The following NSF variants were observed in gnomAD, a reference collection of about 807,000 sequenced individuals.
The protein encoded by NSF is N-ethylmaleimide sensitive factor, vesicle fusing ATPase, also known as vesicle-fusing ATPase.
A neutral mutation model predicts 50.3 loss-of-function variants in NSF; 14 were observed. The observed-to-expected ratio is 0.28, with a 90% CI of 0.18 to 0.44. The LOEUF (loss-of-function observed/expected upper bound fraction) is 0.44, where lower values mean the gene tolerates loss of function less well. Among genes scored for constraint, NSF ranks in the 20% least tolerant of loss-of-function variants. The probability of loss-of-function intolerance (pLI) is 1.00; values close to 1 mark genes in which losing one functional copy is unlikely to be tolerated. For missense variants in NSF, 218 were observed against 504.3 expected, an observed-to-expected ratio of 0.43 and a Z score of 5.44; for synonymous variants, 109 against 175.7, an observed-to-expected ratio of 0.62 and a Z score of 3.00.
At chr17:46,726,849 A>T (rs953093391) in intron 16 of NSF, among the ~76,000 whole-genome samples, 6 of 152,186 alleles carry the variant, frequency 3.9e-5, no homozygotes, top group Non-Finnish European at 7.3e-5. Context: ...GTAAGGGCCC[A>T]TGTCTCATTT....
At chr17:46,730,604 A>T (rs1035762663) in intron 17 of NSF, among the ~76,000 whole-genome samples, 3 of 152,186 alleles carry the variant, frequency 2.0e-5, no homozygotes, top group African/African-American at 7.2e-5. Context: ...TATGCTTTTA[A>T]ATCTCACAGC....
chr17:46,711,927 A>G (rs949791218), intron 14 of NSF, among the ~76,000 whole-genome samples: 3 of 152,218 alleles, frequency 2.0e-5, no homozygotes, highest in Non-Finnish European at 4.4e-5. Context: ...TTATCCTGAC[A>G]TGAGACTGTA....
intron 13 of NSF, among the ~76,000 whole-genome samples, chr17:46,709,107 G>GA (rs2058691986): frequency 6.6e-6 from 1 of 152,036 alleles, no homozygotes; most frequent in Non-Finnish European, 1.5e-5. Flanking sequence ...ACAGGCATGA[G>GA]CCACTGCACC....
chr17:46,712,506 A>G (rs570493080), intron 14 of NSF, among the ~76,000 whole-genome samples: 2 of 152,342 alleles, frequency 1.3e-5, no homozygotes, highest in African/African-American at 4.8e-5. Context: ...GGGAACACTA[A>G]TGGAAAGCAG....
chr17:46,746,626 T>C lies in NSF; in HGVS notation c.1909-3147T>C, dbSNP rs1381708969. Among the ~76,000 whole-genome samples, 6 of 152,164 alleles carry C rather than the reference T, an allele frequency of 3.9e-5. No individual in the cohort carries two copies. In the East Asian group the frequency reaches 7.7e-4, roughly 20 times the overall value. ...TCTAGTGACATAAGTTTAAAACTTA[T>C]TCCTTTTTCATTTTCCAAGTAAACT... On this transcript the variant is annotated intron_variant, in intron 17 of 20. Transcript: ENST00000398238.
Position 46,751,636 on chromosome 17 carries a change from G to GT in NSF, c.2157+21dup, listed in dbSNP as rs2059182633. The GT allele has an allele frequency of 6.7e-7, 1 of 1,486,594 alleles. No individual in the cohort carries two copies. The allele number at this position is 1,486,594 out of a possible 1,614,324, so 92.1% of individuals were successfully genotyped here. On this transcript the variant is annotated intron_variant, in intron 19 of 20. Transcript: ENST00000398238. ...CTACAGGTAAGGTACTTCGTTCTCC[G>GT]TATGACTCAGACAGAACAAAGCTTC...
chr17:46,738,429 T>G (rs2059033024), intron 17 of NSF, among the ~76,000 whole-genome samples: 1 of 152,152 alleles, frequency 6.6e-6, no homozygotes, highest in African/African-American at 2.4e-5. Flanking sequence ...TAGCCTTTTT[T>G]AAGAGGAAAA....
At chr17:46,744,215 A>T (rs745899313) in intron 17 of NSF, among the ~76,000 whole-genome samples, 8 of 152,218 alleles carry the variant, frequency 5.3e-5, no homozygotes, top group Non-Finnish European at 1.2e-4. Flanking sequence ...ACCAAATCTC[A>T]TAATTCTATT....
intron 19 of NSF, among the ~76,000 whole-genome samples, chr17:46,752,631 T>C (rs2059192358): frequency 6.6e-6 from 1 of 152,114 alleles, no homozygotes; most frequent in Admixed American, 6.5e-5. Flanking sequence ...AATTTTTGTA[T>C]TTTTTGTAGA....
At chr17:46,739,521 C>G (rs1371196019) in intron 17 of NSF, among the ~76,000 whole-genome samples, 2 of 151,648 alleles carry the variant, frequency 1.3e-5, no homozygotes, top group Non-Finnish European at 2.9e-5. Context: ...CCTGGGCAAC[C>G]AGAGTGAGAC....
intron 17 of NSF, among the ~76,000 whole-genome samples, chr17:46,737,479 T>C (rs1441104206): frequency 6.6e-6 from 1 of 152,136 alleles, no homozygotes; most frequent in African/African-American, 2.4e-5. Context: ...TTTTAGCTCA[T>C]ACGAGGTGCT....
chr17:46,728,723 CTTA>C (rs2058917677), intron 16 of NSF, 129 bp from the exon 17 acceptor site: 3 of 432,046 alleles, frequency 6.9e-6, no homozygotes, highest in Non-Finnish European at 1.2e-5. Flanking sequence ...TTTTTTTTTT[CTTA>C]TTCTATACAT....
chr17:46,710,149 G>A (rs563255339), intron 13 of NSF, among the ~76,000 whole-genome samples: 62 of 152,304 alleles, frequency 4.1e-4, no homozygotes, highest in African/African-American at 1.5e-3. Flanking sequence ...AAATTCTCAA[G>A]ATACATGATC....
chr17:46,740,783 C>T (rs924042649), intron 17 of NSF, among the ~76,000 whole-genome samples: 1 of 151,696 alleles, frequency 6.6e-6, no homozygotes. Context: ...TACCTCAGCC[C>T]CACAAGTAGC....
chr17:46,736,346 T>TTCCCC (rs1193089549), intron 17 of NSF, among the ~76,000 whole-genome samples: 2 of 152,192 alleles, frequency 1.3e-5, no homozygotes, highest in Admixed American at 1.3e-4. Context: ...GTGGCTGAAG[T>TTCCCC]TCCCCTTTTC....
intron 1 of NSF, among the ~76,000 whole-genome samples, chr17:46,620,315 CTTTT>C (rs1231088449): frequency 6.6e-4 from 6 of 9,106 alleles, no homozygotes; most frequent in Non-Finnish European, 1.1e-3. Flanking sequence ...CTCTCGCTCT[CTTTT>C]TTTTTTTTTT....
chr17:46,605,567 A>G (rs1353191309), intron 1 of NSF, among the ~76,000 whole-genome samples: 32 of 108,000 alleles, frequency 3.0e-4, no homozygotes, highest in African/African-American at 1.1e-3. Context: ...TATTTTCCAT[A>G]TGCTTAGAGA....
chr17:46,737,813 G>A (rs1490891079), intron 17 of NSF, among the ~76,000 whole-genome samples: 1 of 151,944 alleles, frequency 6.6e-6, no homozygotes, highest in African/African-American at 2.4e-5. Flanking sequence ...TGAGTAAAAG[G>A]GAGATTTAGT....
At chr17:46,712,605 C>T (rs750377550) in intron 14 of NSF, among the ~76,000 whole-genome samples, 10 of 152,108 alleles carry the variant, frequency 6.6e-5, no homozygotes, top group Admixed American at 2.6e-4. Context: ...GTTGAGCAGC[C>T]TGTTGGATAT....
Sources: allele counts gnomAD v4.1 joint callset (sites outside exome capture counted in the v4.1 genomes callset), GRCh38; gene constraint gnomAD v4.1.1; transcripts MANE v1.5; gene names NCBI Gene and HGNC (gene_info 2026-07-23, HGNC 2026-07-21).